Variants in PTPRD observed in about 807,000 individuals in gnomAD.
PTPRD encodes receptor-type tyrosine-protein phosphatase delta.
Under a neutral mutation model 214.5 loss-of-function variants are expected in PTPRD, and 34 were observed. The observed-to-expected ratio is 0.16, with a 90% CI of 0.12 to 0.21. The LOEUF is 0.21. Ranked by LOEUF, PTPRD falls within the 10% of genes least tolerant of loss-of-function variation. The probability of loss-of-function intolerance (pLI) is 1.00; values close to 1 mark genes in which losing one functional copy is unlikely to be tolerated. For missense variants in PTPRD, 2,545 were observed against 2,398.7 expected (o/e 1.06, Z -1.27); for synonymous variants, 1,128 against 845.7 (o/e 1.33, Z -5.79).
At chr9:9,613,127 C>CATATATATATATATATAT (rs1336099691) in intron 7 of PTPRD, among the ~76,000 whole-genome samples, 2 of 39,116 alleles carry the variant, frequency 5.1e-5, no homozygotes, top group Non-Finnish European at 1.0e-4. Context: ...CTGCAGTATA[C>CATATATATATATATATAT]ATACATACAT....
chr9:8,449,353 G>GTACAGTCATC (rs1260874653), intron 34 of PTPRD, among the ~76,000 whole-genome samples: 12 of 151,096 alleles, frequency 7.9e-5, no homozygotes, highest in African/African-American at 2.7e-4. Context: ...TGAAAGATGT[G>GTACAGTCATC]TACAGTCATC....
At chr9:9,817,038 A>T (rs1323258741) in intron 5 of PTPRD, among the ~76,000 whole-genome samples, 1 of 152,084 alleles carries the variant, frequency 6.6e-6, no homozygotes. Context: ...AAATAAGTAA[A>T]TTACCAGCTG....
At chr9:9,131,954 G>A (rs1029048773) in intron 10 of PTPRD, among the ~76,000 whole-genome samples, 1 of 151,918 alleles carries the variant, frequency 6.6e-6, no homozygotes, top group African/African-American at 2.4e-5. Context: ...TCATTTGAGG[G>A]GGAATTGTTT....
chr9:9,253,914 C>G, intron 9 of PTPRD, among the ~76,000 whole-genome samples: 1 of 152,064 alleles, frequency 6.6e-6, no homozygotes, highest in East Asian at 1.9e-4. Context: ...GGAGAGTTTG[C>G]TCTGTGCCTA....
chr9:8,494,837 T>G (rs1362376974), intron 26 of PTPRD, among the ~76,000 whole-genome samples: 3 of 152,190 alleles, frequency 2.0e-5, no homozygotes, highest in Non-Finnish European at 4.4e-5. Flanking sequence ...TACATTTTCT[T>G]TCTTTAAGTG....
At chr9:9,682,425 G>C (rs1230144515) in intron 7 of PTPRD, among the ~76,000 whole-genome samples, 1 of 151,716 alleles carries the variant, frequency 6.6e-6, no homozygotes, top group Non-Finnish European at 1.5e-5. Flanking sequence ...TCTGGCTCTG[G>C]GTTTCAGAGA....
chr9:8,465,515 C>T lies in PTPRD; in HGVS notation c.3665G>A (p.Gly1222Asp), dbSNP rs2134460284. 1 of 1,612,566 alleles carries T rather than the reference C, an allele frequency of 6.2e-7. No homozygotes were observed. The highest frequency in any genetic ancestry group is 1.1e-5 in the South Asian group (1 of 91,034). Residue 1222 changes from glycine (G) to aspartate (D), a missense_variant, in exon 32 of 46, where the codon GGT becomes GAT. Physicochemically the swap from Gly to Asp is moderately conservative, Grantham distance 94. Transcript: ENST00000381196. ...TAACACAAAGAAGACATATTCTTGA[C>T]CACTTTGGAGTTGCTTGTTTGTAAA... is the stretch of plus-strand genomic sequence containing the variant. ...GGFTNKQLQSGQEYVFFVLAV... is the reference protein window; with the variant it reads ...GGFTNKQLQSDQEYVFFVLAV...
At chr9:10,343,942 T>G (rs564986613) in intron 2 of PTPRD, among the ~76,000 whole-genome samples, 2 of 145,388 alleles carry the variant, frequency 1.4e-5, no homozygotes, top group East Asian at 4.3e-4. Flanking sequence ...AAAATTTTTC[T>G]CCCATTCTGT....
At chr9:9,162,006 A>C (rs1272839269) in intron 10 of PTPRD, among the ~76,000 whole-genome samples, 1 of 152,136 alleles carries the variant, frequency 6.6e-6, no homozygotes, top group African/African-American at 2.4e-5. Context: ...TAGCAGGATA[A>C]CATGATAAGG....
intron 11 of PTPRD, among the ~76,000 whole-genome samples, chr9:8,790,496 T>C (rs747156465): frequency 7.6e-4 from 116 of 151,832 alleles, no homozygotes; most frequent in Non-Finnish European, 1.3e-3. Context: ...TGGCTCACTG[T>C]AACCGCCGCC....
At chr9:8,743,862 G>A (rs767742993) in intron 11 of PTPRD, among the ~76,000 whole-genome samples, 1 of 150,792 alleles carries the variant, frequency 6.6e-6, no homozygotes, top group Non-Finnish European at 1.5e-5. Flanking sequence ...CCTACAGAGT[G>A]GGAGAAAATC....
chr9:8,740,282 G>A (rs890753596), intron 11 of PTPRD, among the ~76,000 whole-genome samples: 1 of 152,084 alleles, frequency 6.6e-6, no homozygotes, highest in African/African-American at 2.4e-5. Context: ...GAAAAATTAT[G>A]TTAAAGATGG....
chr9:10,086,928 C>T (rs1487602439), intron 3 of PTPRD, among the ~76,000 whole-genome samples: 1 of 151,752 alleles, frequency 6.6e-6, no homozygotes, highest in African/African-American at 2.4e-5. Context: ...AAGTTTATAG[C>T]AGTCTCCACT....
intron 11 of PTPRD, among the ~76,000 whole-genome samples, chr9:8,909,104 C>T (rs913470740): frequency 6.6e-6 from 1 of 151,802 alleles, no homozygotes; most frequent in Admixed American, 6.6e-5. Context: ...TTGAATAGAC[C>T]TACAAAAAGA....
intron 3 of PTPRD, among the ~76,000 whole-genome samples, chr9:10,268,609 T>C (rs1036763759): frequency 6.6e-6 from 1 of 152,182 alleles, no homozygotes; most frequent in Non-Finnish European, 1.5e-5. Flanking sequence ...TTTGTATTTC[T>C]CCAGTTCAGG....
intron 3 of PTPRD, among the ~76,000 whole-genome samples, chr9:10,085,591 G>C (rs1419895343): frequency 1.3e-5 from 2 of 148,578 alleles, no homozygotes. Flanking sequence ...TAAATCTCAG[G>C]AAATGAGACA....
At chr9:9,870,707 T>G (rs962144706) in intron 5 of PTPRD, among the ~76,000 whole-genome samples, 14 of 152,064 alleles carry the variant, frequency 9.2e-5, no homozygotes, top group East Asian at 3.8e-4. Context: ...TCTGAAAGAT[T>G]TGAGGATGAA....
chr9:10,062,033 T>C (rs200233297), intron 3 of PTPRD, among the ~76,000 whole-genome samples: 5 of 138,478 alleles, frequency 3.6e-5, no homozygotes, highest in African/African-American at 9.9e-5. Flanking sequence ...GAACCATTGA[T>C]TGATTGATAC....
intron 10 of PTPRD, among the ~76,000 whole-genome samples, chr9:9,094,280 T>C (rs917776491): frequency 3.3e-5 from 5 of 152,148 alleles, no homozygotes; most frequent in African/African-American, 7.2e-5. Flanking sequence ...CCAACCTAAG[T>C]GTCCATCAAC....
Sources: gnomAD v4.1 joint callset for allele counts (sites outside exome capture counted in the v4.1 genomes callset) on GRCh38, gnomAD v4.1.1 for gene constraint, MANE v1.5 for transcripts, NCBI Gene and HGNC (gene_info 2026-07-23, HGNC 2026-07-21) for gene names.